The following CNTNAP5 variants were observed in gnomAD, a reference collection of about 807,000 sequenced individuals.
The protein encoded by CNTNAP5 is contactin-associated protein-like 5.
In CNTNAP5, 72 loss-of-function variants were observed where a neutral mutation model predicts 150.2. The ratio of observed to expected loss-of-function variants is 0.48; its 90% CI spans 0.40 to 0.58. CNTNAP5 has a LOEUF of 0.58. CNTNAP5 is among the 20% of genes least tolerant of loss of function. CNTNAP5 has a pLI of 0.00. For missense variants in CNTNAP5, 1,636 were observed against 1,626.2 expected (o/e 1.01, Z -0.10); for synonymous variants, 672 against 619.8 (o/e 1.08, Z -1.25).
intron 13 of CNTNAP5, among the ~76,000 whole-genome samples, chr2:124,730,776 A>G (rs369986564): frequency 1.3e-5 from 2 of 152,230 alleles, no homozygotes; most frequent in African/African-American, 4.8e-5. Flanking sequence ...GGTATTATGG[A>G]ATAGAAAATC....
At chr2:124,314,118 C>A (rs1377618321) in intron 3 of CNTNAP5, among the ~76,000 whole-genome samples, 2 of 152,218 alleles carry the variant, frequency 1.3e-5, no homozygotes, top group Non-Finnish European at 2.9e-5. Context: ...GTACCAGATT[C>A]ACAAGGAATA....
intron 4 of CNTNAP5, among the ~76,000 whole-genome samples, chr2:124,427,846 A>T (rs1158456196): frequency 4.6e-5 from 7 of 152,150 alleles, no homozygotes; most frequent in Non-Finnish European, 8.8e-5. Flanking sequence ...TGCCCTTGGC[A>T]CCCTACACTT....
chr2:124,651,647 G>A (rs1678324952), intron 13 of CNTNAP5, among the ~76,000 whole-genome samples: 1 of 152,198 alleles, frequency 6.6e-6, no homozygotes, highest in Admixed American at 6.5e-5. Flanking sequence ...CACAAAAGCG[G>A]CCAAGAGCCA....
chr2:124,689,615 G>A (rs1400485182), intron 13 of CNTNAP5, among the ~76,000 whole-genome samples: 4 of 152,006 alleles, frequency 2.6e-5, no homozygotes, highest in African/African-American at 9.7e-5. Flanking sequence ...GTGCATTTAT[G>A]TGCACATATG....
chr2:124,320,571 C>T lies in CNTNAP5; in HGVS notation c.381+78178C>T, dbSNP rs560903201. Reference sequence around the variant, plus strand: ...CCTGACCTCACATGCTCTAAAATTACGCTGTATGTTGTAAACCTTTAACCC... The same window carrying T: ...CCTGACCTCACATGCTCTAAAATTATGCTGTATGTTGTAAACCTTTAACCC... On this transcript the variant is annotated intron_variant, in intron 3 of 23. Coordinates refer to ENST00000682447, the MANE Select transcript of CNTNAP5 (RefSeq NM_001367498.1). 1.6e-3 allele frequency among the ~76,000 whole-genome samples: 251 copies of T among 152,166 alleles called. 1 individual carries two copies. Among genetic ancestry groups the T allele is most frequent in the African/African-American group, 5.5e-3 (228 of 41,494 alleles).
At chr2:124,455,206 G>A (rs571038446) in intron 6 of CNTNAP5, among the ~76,000 whole-genome samples, 5 of 151,544 alleles carry the variant, frequency 3.3e-5, no homozygotes, top group South Asian at 4.2e-4. Context: ...TATTAGAAAC[G>A]AAATGAGAGA....
At chr2:124,264,503 C>T (rs979926112) in intron 3 of CNTNAP5, among the ~76,000 whole-genome samples, 3 of 151,746 alleles carry the variant, frequency 2.0e-5, no homozygotes, top group African/African-American at 7.3e-5. Flanking sequence ...CCTTTTGAGG[C>T]AACATAAATA....
chr2:124,729,910 A>G (rs1368416922), intron 13 of CNTNAP5, among the ~76,000 whole-genome samples: 1 of 152,092 alleles, frequency 6.6e-6, no homozygotes, highest in African/African-American at 2.4e-5. Context: ...CCAACAATGC[A>G]TTAACTATTT....
chr2:124,412,562 C>A (rs929896536), intron 3 of CNTNAP5, among the ~76,000 whole-genome samples: 1 of 151,560 alleles, frequency 6.6e-6, no homozygotes, highest in Non-Finnish European at 1.5e-5. Flanking sequence ...GCAGAGCCCT[C>A]AGAAATAACG....
intron 1 of CNTNAP5, among the ~76,000 whole-genome samples, chr2:124,086,289 C>T (rs1332120464): frequency 2.7e-5 from 4 of 148,104 alleles, no homozygotes; most frequent in Admixed American, 6.7e-5. Flanking sequence ...CTCCGCCTCC[C>T]GGCTCCCGGG....
At chr2:124,142,761 C>T (rs1320295005) in intron 1 of CNTNAP5, among the ~76,000 whole-genome samples, 29 of 142,402 alleles carry the variant, frequency 2.0e-4, no homozygotes, top group East Asian at 8.5e-4. Flanking sequence ...CATTCAAAAG[C>T]TAGCAGAAGG....
chr2:124,408,772 C>T (rs555232802), intron 3 of CNTNAP5, among the ~76,000 whole-genome samples: 136 of 151,704 alleles, frequency 9.0e-4, no homozygotes, highest in Non-Finnish European at 1.6e-3. Context: ...TAGATAAAAC[C>T]ACAAAGATGG....
At chr2:124,816,664 G>A (rs1682370321) in intron 19 of CNTNAP5, among the ~76,000 whole-genome samples, 1 of 151,826 alleles carries the variant, frequency 6.6e-6, no homozygotes, top group Non-Finnish European at 1.5e-5. Context: ...TTTTAATAGA[G>A]AAGAGGTTTC....
intron 1 of CNTNAP5, among the ~76,000 whole-genome samples, chr2:124,043,979 C>A (rs1276272140): frequency 6.6e-6 from 1 of 152,206 alleles, no homozygotes; most frequent in Non-Finnish European, 1.5e-5. Context: ...CTTGTCCTCT[C>A]TTCTCTAGTC....
At chr2:124,377,972 T>C (rs11884566) in intron 3 of CNTNAP5, among the ~76,000 whole-genome samples, 38,774 of 151,998 alleles carry the variant, frequency 0.26, 5,246 homozygotes, top group Non-Finnish European at 0.28. Flanking sequence ...AGCTCTTTGC[T>C]ACTTGTGTTT....
rs541104094 is a variant in CNTNAP5 at position 124,191,185 on chromosome 2, G to A, written c.83-30520G>A. ...GACTAAGATCTGAAAATGAAATTGA[G>A]TGCACATTTTATTTACCCATCTCAT... On this transcript the variant is annotated intron_variant, in intron 1 of 23. Coordinates refer to ENST00000682447, the MANE Select transcript of CNTNAP5 (RefSeq NM_001367498.1). Among the ~76,000 whole-genome samples, 600 of 152,224 alleles carry A rather than the reference G, an allele frequency of 3.9e-3. 1 individual carries two copies. The highest frequency in any genetic ancestry group is 7.2e-3 in the Non-Finnish European group (488 of 68,020).
At chr2:124,340,665 C>A (rs1179791147) in intron 3 of CNTNAP5, among the ~76,000 whole-genome samples, 2 of 151,738 alleles carry the variant, frequency 1.3e-5, no homozygotes, top group African/African-American at 2.4e-5. Flanking sequence ...CAGGTATAAT[C>A]CCAAGCTGTT....
chr2:124,071,975 A>C (rs541539026), intron 1 of CNTNAP5, among the ~76,000 whole-genome samples: 1 of 152,168 alleles, frequency 6.6e-6, no homozygotes, highest in South Asian at 2.1e-4. Flanking sequence ...TGATGCAAAA[A>C]CTCTCAACAA....
At chr2:124,874,337 A>G (rs1245272183) in intron 21 of CNTNAP5, among the ~76,000 whole-genome samples, 1 of 152,038 alleles carries the variant, frequency 6.6e-6, no homozygotes, top group African/African-American at 2.4e-5. Flanking sequence ...GTTTCTGGAA[A>G]CTTGCTTATT....
Sources: allele counts gnomAD v4.1 joint callset (sites outside exome capture counted in the v4.1 genomes callset), GRCh38; gene constraint gnomAD v4.1.1; transcripts MANE v1.5; gene names NCBI Gene and HGNC (gene_info 2026-07-23, HGNC 2026-07-21).